DYRK1A: variants seen among roughly 807,000 people sequenced by gnomAD.
DYRK1A encodes the protein dual specificity tyrosine phosphorylation regulated kinase 1A.
In DYRK1A, 9 loss-of-function variants were observed where a neutral mutation model predicts 79.7. The observed-to-expected ratio is 0.11, with a 90% CI of 0.07 to 0.20. The LOEUF (loss-of-function observed/expected upper bound fraction) is 0.20. Among genes scored for constraint, DYRK1A ranks in the 10% least tolerant of loss-of-function variants. The pLI, the probability that DYRK1A is intolerant of heterozygous loss-of-function variation, is 1.00. For missense variants in DYRK1A, 622 were observed against 956.0 expected (o/e 0.65, Z 4.61); for synonymous variants, 349 against 329.7 (o/e 1.06, Z -0.63).
chr21:37,401,371 T>C (rs953700230), intron 1 of DYRK1A, among the ~76,000 whole-genome samples: 1 of 152,086 alleles, frequency 6.6e-6, no homozygotes. Flanking sequence ...AATATTTGAT[T>C]TTTTTTCTTG....
At chr21:37,497,697 C>T (rs1481352316) in intron 9 of DYRK1A, among the ~76,000 whole-genome samples, 1 of 152,080 alleles carries the variant, frequency 6.6e-6, no homozygotes, top group South Asian at 2.1e-4. Context: ...TCTCCTAAAT[C>T]TCTGCCTTAC....
chr21:37,417,313 C>T (rs1471952316), intron 1 of DYRK1A, among the ~76,000 whole-genome samples: 1 of 152,000 alleles, frequency 6.6e-6, no homozygotes, highest in Non-Finnish European at 1.5e-5. Flanking sequence ...GCCTCAGCCT[C>T]CTGAGTAGCT....
intron 2 of DYRK1A, among the ~76,000 whole-genome samples, chr21:37,442,608 A>G (rs376711169): frequency 3.6e-4 from 55 of 151,958 alleles, no homozygotes; most frequent in Non-Finnish European, 3.2e-4. Context: ...CTTTTTTTAA[A>G]ATAGAGACAG....
intron 1 of DYRK1A, among the ~76,000 whole-genome samples, chr21:37,385,520 T>TACC (rs147894916): frequency 0.078 from 11,814 of 152,250 alleles, 683 homozygotes; most frequent in Non-Finnish European, 0.12. Context: ...GCAAGAGGTG[T>TACC]ACATCTTAAC....
Position 37,472,725 on chromosome 21 carries a change from G to T in DYRK1A, c.52G>T (p.Ala18Ser). ...ATGCAAACCTTCATCTGTTCGGCTT[G>T]CACCGTCATTTTCATTCCATGCTGC... ...SACKPSSVRL[A>S]PSFSFHAAGL... is the part of the protein sequence containing the mutation. The change falls in exon 3 of 12, where the codon GCA becomes TCA. Residue 18 changes from alanine to serine, a missense_variant. This residue lies in a region of DYRK1A where 91 missense variants were observed against 113.8 expected (regional missense o/e 0.80). Coordinates refer to ENST00000647188, the MANE Select transcript of DYRK1A (RefSeq NM_001347721.2). 6.2e-7 allele frequency: 1 copy of T among 1,610,126 alleles called. No homozygotes were observed. Among genetic ancestry groups the T allele is most frequent in the Non-Finnish European group, 8.5e-7 (1 of 1,177,252 alleles).
At position 37,493,131 on chromosome 21, in the gene DYRK1A, A is replaced by T; in HGVS notation, c.1039A>T (p.Thr347Ser). 6.2e-7 allele frequency: 1 copy of T among 1,613,524 alleles called. No homozygotes were observed. Among genetic ancestry groups the T allele is most frequent in the Non-Finnish European group, 8.5e-7 (1 of 1,179,564 alleles). ...CGGGTGTATTTTGGTTGAAATGCACACTGGAGAACCTCTGTTCAGTGGTGC... is the reference window on the plus strand; with the variant it reads ...CGGGTGTATTTTGGTTGAAATGCACTCTGGAGAACCTCTGTTCAGTGGTGC... ...SLGCILVEMH[T>S]GEPLFSGANE... The change falls in exon 8 of 12, where the codon ACT (threonine) becomes TCT (serine). Residue 347 changes from threonine (T) to serine (S), a missense_variant. Transcript: ENST00000647188.
chr21:37,468,384 G>C (rs1047665179), intron 2 of DYRK1A, among the ~76,000 whole-genome samples: 1 of 152,056 alleles, frequency 6.6e-6, no homozygotes, highest in African/African-American at 2.4e-5. Context: ...TGCAATTACA[G>C]GCATGAGCCC....
intron 1 of DYRK1A, among the ~76,000 whole-genome samples, chr21:37,394,539 C>T (rs2049927013): frequency 6.6e-6 from 1 of 152,166 alleles, no homozygotes; most frequent in African/African-American, 2.4e-5. Flanking sequence ...GACTGCACCC[C>T]ATGAGGTGAG....
chr21:37,470,934 C>G (rs1388297228), intron 2 of DYRK1A, among the ~76,000 whole-genome samples: 1 of 152,168 alleles, frequency 6.6e-6, no homozygotes, highest in Non-Finnish European at 1.5e-5. Context: ...CACAGTTGTA[C>G]TATCCTTTTA....
chr21:37,429,472 A>C (rs1000007525), intron 2 of DYRK1A, among the ~76,000 whole-genome samples: 1 of 152,172 alleles, frequency 6.6e-6, no homozygotes, highest in African/African-American at 2.4e-5. Flanking sequence ...CATGGTAGAG[A>C]GTGAAGGGGA....
chr21:37,483,519 T>C (rs377164885), intron 5 of DYRK1A, among the ~76,000 whole-genome samples: 1 of 152,336 alleles, frequency 6.6e-6, no homozygotes, highest in East Asian at 1.9e-4. Flanking sequence ...CCTTGAATTA[T>C]AACCTCTTTT....
chr21:37,496,053 C>G, intron 8 of DYRK1A, 65 bp from the exon 9 acceptor site: 1 of 1,497,534 alleles, frequency 6.7e-7, no homozygotes, highest in East Asian at 2.3e-5. Flanking sequence ...GAATGAATGA[C>G]TTGATGAGCA....
Position 37,514,664 on chromosome 21 carries a change from A to G in DYRK1A, c.*2133A>G, listed in dbSNP as rs1320396891. On this transcript the variant is annotated 3_prime_UTR_variant, in exon 12 of 12. Transcript: ENST00000647188. The stretch of plus-strand genomic sequence containing the variant: ...CTTTTTGTTGTTTATCAGGAAATCC[A>G]TATTTATTTTGTAATTAACTGTCAA... The G allele has an allele frequency of 1.7e-4, 26 of 152,770 alleles. No individual in the cohort carries two copies. The highest frequency in any genetic ancestry group is 1.5e-3 in the Admixed American group (23 of 15,308). The allele number at this position is 152,770 out of a possible 1,614,324, so 9.5% of individuals were successfully genotyped here.
intron 9 of DYRK1A, chr21:37,502,132 C>G (rs184965810): frequency 3.4e-4 from 51 of 152,212 alleles, no homozygotes; most frequent in African/African-American, 1.2e-3. Flanking sequence ...TGTGTAGACA[C>G]ACACACACAC....
Position 37,368,691 on chromosome 21 carries a change from A to G in DYRK1A, c.-77+1063A>G, listed in dbSNP as rs1279971564. 3.9e-5 allele frequency among the ~76,000 whole-genome samples: 6 copies of G among 152,112 alleles called. No homozygotes were observed. In the East Asian group the frequency reaches 1.2e-3, roughly 29 times the overall value. On this transcript the variant is annotated intron_variant, in intron 1 of 11. Coordinates refer to ENST00000647188, the MANE Select transcript of DYRK1A (RefSeq NM_001347721.2). ...CTGTTCCCATTTTATAGATGAGGAG[A>G]GTGAGTCTGGAGAGGGGCACTGACT...
intron 1 of DYRK1A, among the ~76,000 whole-genome samples, chr21:37,382,755 T>A (rs1468080106): frequency 6.6e-6 from 1 of 152,222 alleles, no homozygotes; most frequent in Non-Finnish European, 1.5e-5. Flanking sequence ...TTATTATTAG[T>A]TATTTTAATA....
intron 1 of DYRK1A, among the ~76,000 whole-genome samples, chr21:37,395,730 C>G (rs1187838510): frequency 6.6e-6 from 1 of 152,068 alleles, no homozygotes; most frequent in Non-Finnish European, 1.5e-5. Flanking sequence ...TATTTTAATA[C>G]TAAGATTTTA....
At chr21:37,471,111 C>G (rs2052207293) in intron 2 of DYRK1A, among the ~76,000 whole-genome samples, 1 of 152,150 alleles carries the variant, frequency 6.6e-6, no homozygotes, top group South Asian at 2.1e-4. Context: ...AGAAAGGTCA[C>G]TTTAGCCATG....
At position 37,513,611 on chromosome 21, in the gene DYRK1A, A is replaced by G. The variant is rs942883329; in HGVS notation, c.*1080A>G. 6.6e-6 allele frequency: 1 copy of G among 152,628 alleles called. No homozygotes were observed. The highest frequency in any genetic ancestry group is 2.4e-5 in the African/African-American group (1 of 41,446). The allele number at this position is 152,628 out of a possible 1,614,324, so 9.5% of individuals were successfully genotyped here. A position where few individuals can be genotyped will look rare whatever the true frequency, so the allele number is the denominator to read the frequency against. On this transcript the variant is annotated 3_prime_UTR_variant, in exon 12 of 12. Transcript: ENST00000647188. ...GAAGTAGTGGTTTGCTTTGATGGAA[A>G]TAGCTACAGCTGTGTCCCTTCCTGC...
Sources: allele counts gnomAD v4.1 joint callset (sites outside exome capture counted in the v4.1 genomes callset), GRCh38; gene constraint gnomAD v4.1.1; regional missense constraint gnomAD v4.1.1; transcripts MANE v1.5; gene names NCBI Gene and HGNC (gene_info 2026-07-23, HGNC 2026-07-21).